Variants in BBS9 observed in about 807,000 individuals in gnomAD.
BBS9 encodes protein PTHB1.
A neutral mutation model predicts 117.7 loss-of-function variants in BBS9; 89 were observed. The ratio of observed to expected loss-of-function variants is 0.76; its 90% confidence interval spans 0.64 to 0.90. BBS9 has a LOEUF of 0.90. Ranked by LOEUF, BBS9 falls within the 40% of genes least tolerant of loss-of-function variation. BBS9 has a pLI of 0.00. For missense variants in BBS9, 982 were observed against 1,042.2 expected (o/e 0.94, Z 0.80); for synonymous variants, 379 against 370.9 (o/e 1.02, Z -0.25).
chr7:33,354,262 C>T (rs922125443), intron 15 of BBS9, among the ~76,000 whole-genome samples: 1 of 152,122 alleles, frequency 6.6e-6, no homozygotes, highest in Admixed American at 6.5e-5. Flanking sequence ...TTAGATCTTA[C>T]TTACACACAA....
In BBS9 at chr7:33,169,381, G is replaced by A. The variant is rs1392320447; in HGVS notation, c.329-8097G>A. On this transcript the variant is annotated intron_variant, in intron 4 of 22. Transcript: ENST00000242067. ...TCTAGTTCTAGATCCCTGAGGAATC[G>A]CCATACTGACTTCCACAATGGTTGA... is the stretch of plus-strand genomic sequence containing the variant. Among the ~76,000 whole-genome samples, 13 of 151,670 alleles carry A rather than the reference G, an allele frequency of 8.6e-5. No homozygotes were observed. In the East Asian group the frequency reaches 1.7e-3, roughly 20 times the overall value.
At chr7:33,506,946 A>T (rs1846228611) in intron 20 of BBS9, among the ~76,000 whole-genome samples, 2 of 152,210 alleles carry the variant, frequency 1.3e-5, no homozygotes, top group Non-Finnish European at 2.9e-5. Flanking sequence ...GCTGTCACTT[A>T]TGAACTCAGA....
intron 21 of BBS9, among the ~76,000 whole-genome samples, chr7:33,625,343 C>G (rs181284000): frequency 6.6e-6 from 1 of 152,004 alleles, no homozygotes; most frequent in Non-Finnish European, 1.5e-5. Context: ...CTGAATTCTA[C>G]TCATATTATA....
intron 20 of BBS9, among the ~76,000 whole-genome samples, chr7:33,529,225 G>A (rs1457156961): frequency 6.6e-6 from 1 of 152,216 alleles, no homozygotes; most frequent in East Asian, 1.9e-4. Context: ...CTGGTAAGAT[G>A]TGGAAACAGG....
intron 19 of BBS9, among the ~76,000 whole-genome samples, chr7:33,434,690 A>C (rs1251188402): frequency 2.0e-5 from 3 of 152,172 alleles, no homozygotes; most frequent in African/African-American, 7.2e-5. Flanking sequence ...AGAACCATTT[A>C]GTGACTTAAT....
At chr7:33,259,988 A>C (rs1157144161) in intron 6 of BBS9, among the ~76,000 whole-genome samples, 1 of 146,614 alleles carries the variant, frequency 6.8e-6, no homozygotes, top group East Asian at 2.0e-4. Context: ...TCTGACTAAA[A>C]GACCTAGACT....
At chr7:33,486,724 A>C (rs1002847938) in intron 19 of BBS9, among the ~76,000 whole-genome samples, 2 of 152,180 alleles carry the variant, frequency 1.3e-5, no homozygotes, top group Non-Finnish European at 2.9e-5. Flanking sequence ...AGATGCTAAA[A>C]AATCCCAGGA....
intron 19 of BBS9, among the ~76,000 whole-genome samples, chr7:33,430,926 C>T (rs924447917): frequency 2.0e-5 from 3 of 151,752 alleles, no homozygotes; most frequent in Non-Finnish European, 2.9e-5. Context: ...TGGTGGCTCA[C>T]GCCTATAATC....
chr7:33,194,502 G>GAATAAAAA (rs1784636506), intron 5 of BBS9, among the ~76,000 whole-genome samples: 1 of 152,054 alleles, frequency 6.6e-6, no homozygotes, highest in Non-Finnish European at 1.5e-5. Flanking sequence ...TTTAATCCAC[G>GAATAAAAA]AAGTTACATT....
chr7:33,402,676 G>A (rs1299745026), intron 19 of BBS9, among the ~76,000 whole-genome samples: 1 of 152,130 alleles, frequency 6.6e-6, no homozygotes, highest in African/African-American at 2.4e-5. Context: ...CTCAGTGGTT[G>A]CTCCTTTTTA....
At chr7:33,446,521 C>T (rs1163042568) in intron 19 of BBS9, among the ~76,000 whole-genome samples, 8 of 152,096 alleles carry the variant, frequency 5.3e-5, no homozygotes, top group Non-Finnish European at 1.2e-4. Flanking sequence ...TCACACCTGC[C>T]TATTGCCATG....
At chr7:33,291,120 A>ATTTG (rs1803958365) in intron 9 of BBS9, among the ~76,000 whole-genome samples, 1 of 152,066 alleles carries the variant, frequency 6.6e-6, no homozygotes, top group Admixed American at 6.5e-5. Flanking sequence ...TATAAATACT[A>ATTTG]TTTGTTTCTG....
intron 21 of BBS9, among the ~76,000 whole-genome samples, chr7:33,624,693 T>C (rs925789542): frequency 2.0e-5 from 3 of 152,312 alleles, no homozygotes; most frequent in Admixed American, 2.0e-4. Context: ...CAGAATATAG[T>C]TGATAAAAGA....
chr7:33,384,766 C>G (rs900473135), intron 18 of BBS9, among the ~76,000 whole-genome samples: 1 of 151,020 alleles, frequency 6.6e-6, no homozygotes, highest in Non-Finnish European at 1.5e-5. Flanking sequence ...AATTTTTCAG[C>G]CAACCATTGA....
chr7:33,592,504 T>A (rs150677222), intron 21 of BBS9, among the ~76,000 whole-genome samples: 43 of 152,268 alleles, frequency 2.8e-4, no homozygotes, highest in African/African-American at 1.0e-3. Context: ...AATGGGCTGT[T>A]AAACAAATAT....
At chr7:33,245,745 CAG>C (rs1431629313) in intron 5 of BBS9, among the ~76,000 whole-genome samples, 3 of 152,038 alleles carry the variant, frequency 2.0e-5, no homozygotes, top group African/African-American at 7.2e-5. Context: ...TTTAGTTAAA[CAG>C]ATATTTTTGG....
chr7:33,518,158 G>T lies in BBS9; in HGVS notation c.2298+12513G>T, dbSNP rs143653585. 2.0e-5 allele frequency among the ~76,000 whole-genome samples: 3 copies of T among 151,638 alleles called. No individual in the cohort carries two copies. In the East Asian group the frequency reaches 5.8e-4, roughly 29 times the overall value. On this transcript the variant is annotated intron_variant, in intron 20 of 22. Coordinates refer to ENST00000242067, the MANE Select transcript of BBS9 (RefSeq NM_198428.3). Reference sequence around the variant, plus strand: ...ATTCTAGGATGAGGCTAGGGCATGAGAGCTAAAACAAATAATTACTAAAGC... The same window carrying T: ...ATTCTAGGATGAGGCTAGGGCATGATAGCTAAAACAAATAATTACTAAAGC...
rs377368889 is a variant in BBS9, at chr7:33,487,970, T to C, written c.2116-17493T>C. 1.4e-3 allele frequency among the ~76,000 whole-genome samples: 211 copies of C among 152,318 alleles called. 1 individual carries two copies. The South Asian group carries it at 0.015, about 11-fold the overall frequency. On this transcript the variant is annotated intron_variant, in intron 19 of 22. Transcript: ENST00000242067. ...GGTGTGATAGGCTATAAATTGTACATGAAATCAGCTTTGTAAATTATAAAA... is the reference window on the plus strand; with the variant it reads ...GGTGTGATAGGCTATAAATTGTACACGAAATCAGCTTTGTAAATTATAAAA...
At chr7:33,427,263 G>A (rs1379425192) in intron 19 of BBS9, among the ~76,000 whole-genome samples, 1 of 152,152 alleles carries the variant, frequency 6.6e-6, no homozygotes, top group Non-Finnish European at 1.5e-5. Flanking sequence ...GTGAAACCAT[G>A]GCAGATAAAC....
Sources: gnomAD v4.1 joint callset for allele counts (sites outside exome capture counted in the v4.1 genomes callset) on GRCh38, gnomAD v4.1.1 for gene constraint, MANE v1.5 for transcripts, NCBI Gene and HGNC (gene_info 2026-07-23, HGNC 2026-07-21) for gene names.